RGS12: variants seen among roughly 807,000 people sequenced by gnomAD.
RGS12 encodes the protein regulator of G protein signaling 12, also known as regulator of G-protein signaling 12.
RGS12 carries 66 observed loss-of-function variants against 120.1 expected under a neutral mutation model. That is an observed-to-expected ratio of 0.55 (90% CI 0.45 to 0.67). The LOEUF (loss-of-function observed/expected upper bound fraction) is 0.67, where lower values mean the gene tolerates loss of function less well. Ranked by LOEUF, RGS12 falls within the 30% of genes least tolerant of loss-of-function variation. RGS12 has a pLI of 0.00. For missense variants in RGS12, 1,859 were observed against 1,957.7 expected (o/e 0.95, Z 0.95); for synonymous variants, 827 against 804.7 (o/e 1.03, Z -0.47).
rs898896096 is a variant in RGS12, at chr4:3,439,763, G to A, written c.*79G>A. 20 of 1,298,534 alleles carry A rather than the reference G, an allele frequency of 1.5e-5. No individual in the cohort carries two copies. The highest frequency in any genetic ancestry group is 1.9e-5 in the Non-Finnish European group (18 of 969,866). The allele number at this position is 1,298,534 out of a possible 1,614,324, so 80.4% of individuals were successfully genotyped here. On this transcript the variant is annotated 3_prime_UTR_variant, in exon 18 of 18. Coordinates refer to ENST00000336727, the MANE Select transcript of RGS12 (RefSeq NM_001394154.1). ...GGTGGATTCTGTGGGCCTCAGGGGGGCCACCCTGGCCACCACACCCTCAGG... is the reference window on the plus strand; with the variant it reads ...GGTGGATTCTGTGGGCCTCAGGGGGACCACCCTGGCCACCACACCCTCAGG...
At chr4:3,334,195 T>C (rs1455661615) in intron 2 of RGS12, among the ~76,000 whole-genome samples, 1 of 152,210 alleles carries the variant, frequency 6.6e-6, no homozygotes, top group East Asian at 1.9e-4. Flanking sequence ...GCTACCCTAT[T>C]AAGGTTAAGA....
intron 11 of RGS12, 151 bp downstream of exon 11, chr4:3,422,721 T>C (rs1029691599): frequency 2.9e-5 from 31 of 1,079,060 alleles, no homozygotes; most frequent in Admixed American, 1.4e-4. Flanking sequence ...TGAACTGAGC[T>C]ATCTGCTGGG....
intron 1 of RGS12, among the ~76,000 whole-genome samples, chr4:3,309,888 C>T (rs1191541798): frequency 2.2e-4 from 27 of 123,170 alleles, no homozygotes; most frequent in East Asian, 7.3e-4. Context: ...GGCAGGTGTC[C>T]GCTGAGGGGA....
chr4:3,413,994 C>T, intron 4 of RGS12, 78 bp from the exon 5 acceptor site: 1 of 1,423,526 alleles, frequency 7.0e-7, no homozygotes, highest in African/African-American at 1.4e-5. Context: ...GTCCCAGGGT[C>T]TCCTGTGGGC....
intron 17 of RGS12, among the ~76,000 whole-genome samples, chr4:3,432,502 G>T (rs573482703): frequency 6.6e-6 from 1 of 152,244 alleles, no homozygotes. Context: ...CTGGCTCTGC[G>T]CACAGGTGTG....
chr4:3,414,294 T>A, intron 5 of RGS12, 53 bp downstream of exon 5: 1 of 1,474,182 alleles, frequency 6.8e-7, no homozygotes, highest in Non-Finnish European at 9.0e-7. Flanking sequence ...CTGCAGAGAC[T>A]ACCGAGCAGG....
chr4:3,333,898 G>A (rs1394006711), intron 2 of RGS12, among the ~76,000 whole-genome samples: 1 of 152,172 alleles, frequency 6.6e-6, no homozygotes, highest in Non-Finnish European at 1.5e-5. Context: ...AGGAGATCAA[G>A]CCTTCCTATC....
In RGS12 at chr4:3,428,396, T is replaced by G. The variant is rs1723903851; in HGVS notation, c.3412-162T>G. ...GGGAGTGGTTGTGCCTTAAATGCTA[T>G]TCTTGTTTGTAATCCTTATCATTGC... On this transcript the variant is annotated intron_variant, in intron 15 of 17. Transcript: ENST00000336727. The G allele has an allele frequency of 1.2e-5, 9 of 773,528 alleles. No individual in the cohort carries two copies. The South Asian group carries it at 1.6e-4, about 14-fold the overall frequency. 47.9% of individuals were successfully genotyped at this position (773,528 alleles called of 1,614,324 possible).
At chr4:3,430,338 T>C (rs2109229401) in intron 16 of RGS12, 69 bp from the exon 17 acceptor site, 1 of 1,393,324 alleles carries the variant, frequency 7.2e-7, no homozygotes, top group South Asian at 1.3e-5. Flanking sequence ...CTTTCTAGAA[T>C]GTTCTGCGGT....
chr4:3,423,684 G>C (rs1723286409), intron 13 of RGS12, 43 bp downstream of exon 13: 3 of 1,580,624 alleles, frequency 1.9e-6, no homozygotes, highest in Admixed American at 1.7e-5. Flanking sequence ...CGCAGGCACT[G>C]TCTGTTCCCT....
At chr4:3,399,783 A>G (rs1401081311) in intron 4 of RGS12, among the ~76,000 whole-genome samples, 1 of 152,220 alleles carries the variant, frequency 6.6e-6, no homozygotes, top group African/African-American at 2.4e-5. Flanking sequence ...AACAAATAAC[A>G]CCAAAAATCC....
chr4:3,409,314 C>T (rs1721486136), intron 4 of RGS12, among the ~76,000 whole-genome samples: 1 of 152,246 alleles, frequency 6.6e-6, no homozygotes, highest in South Asian at 2.1e-4. Context: ...CCGAGCACAC[C>T]AGACAGGTCA....
Position 3,423,581 on chromosome 4 carries a change from G to A in RGS12, c.3174G>A (p.Glu1058=), listed in dbSNP as rs1374029588. 2 of 1,612,662 alleles carry A rather than the reference G, an allele frequency of 1.2e-6. No homozygotes were observed. The highest frequency in any genetic ancestry group is 1.3e-5 in the African/African-American group (1 of 74,954). ...LKAKPTKPVT[E]VLRPVVARYG... ...CCAAGCCCACCAAGCCCGTCACGGA[G>A]GTGCTGCGGCCCGTGGTGGCCAGAT... The change falls in exon 13 of 18, where the codon GAG becomes GAA. Residue 1058 remains glutamate (E), a synonymous_variant. Transcript: ENST00000336727.
intron 1 of RGS12, among the ~76,000 whole-genome samples, chr4:3,313,545 G>A (rs1724543333): frequency 6.6e-6 from 1 of 152,156 alleles, no homozygotes; most frequent in South Asian, 2.1e-4. Context: ...CAAACTGGGG[G>A]GCTTAAGACA....
chr4:3,357,605 A>G (rs1407229908), intron 3 of RGS12, among the ~76,000 whole-genome samples: 1 of 152,156 alleles, frequency 6.6e-6, no homozygotes, highest in East Asian at 1.9e-4. Flanking sequence ...TCCCGGCACC[A>G]TTTATTGAAG....
the RGS12 span, among the ~76,000 whole-genome samples, chr4:3,287,571 G>A: frequency 6.6e-6 from 1 of 152,214 alleles, no homozygotes; most frequent in Admixed American, 6.5e-5. Context: ...CCTGGCCCTG[G>A]CGGCCCGAGG....
rs1285888985 is a variant in RGS12, at chr4:3,368,687, GTGGGGGTGCCTGTGTGTGT to G, written c.1999-17703_1999-17685del. Among the ~76,000 whole-genome samples, 315 of 85,942 alleles carry G rather than the reference GTGGGGGTGCCTGTGTGTGT, an allele frequency of 3.7e-3. 1 individual carries two copies. The highest frequency in any genetic ancestry group is 8.2e-3 in the Middle Eastern group (1 of 122). The allele number at this position is 85,942 out of a possible 152,430, so 56.4% of individuals were successfully genotyped here. A position where few individuals can be genotyped will look rare whatever the true frequency, so the allele number is the denominator to read the frequency against. ...GTGTGTAGGGGGGGTGCCTGTGTGTGTGGGGGTGCCTGTGTGTGTTGGGGGTGCCTGTGTGTGTTGGGGG... is the reference window on the plus strand; with the variant it reads ...GTGTGTAGGGGGGGTGCCTGTGTGTGTGGGGGTGCCTGTGTGTGTTGGGGG... On this transcript the variant is annotated intron_variant, in intron 3 of 17. Transcript: ENST00000336727.
In RGS12 at chr4:3,416,221, C is replaced by T. The variant is rs1247127127; in HGVS notation, c.2427+100C>T. The T allele has an allele frequency of 1.4e-5, 19 of 1,367,410 alleles. No individual in the cohort carries two copies. In the East Asian group the frequency reaches 2.4e-4, roughly 17 times the overall value. The allele number at this position is 1,367,410 out of a possible 1,614,324, so 84.7% of individuals were successfully genotyped here. ...CGTGCTATCAGGCAGGCCAGTGGAT[C>T]GAGAGCATCACAGACGCAGGTAGAG... On this transcript the variant is annotated intron_variant, in intron 7 of 17. Coordinates refer to ENST00000336727, the MANE Select transcript of RGS12 (RefSeq NM_001394154.1).
rs1716164920 is a variant in RGS12, at chr4:3,365,120, CTGGAGCCTGGGA to C, written c.1999-21295_1999-21284del. Reference sequence around the variant, plus strand: ...GAGCTGTTGGAGCCAGGAGCCTGGGCTGGAGCCTGGGAGAGACCTGGACTCAGGGACTGGGCA... The same window carrying C: ...GAGCTGTTGGAGCCAGGAGCCTGGGCGAGACCTGGACTCAGGGACTGGGCA... On this transcript the variant is annotated intron_variant, in intron 3 of 17. Coordinates refer to ENST00000336727, the MANE Select transcript of RGS12 (RefSeq NM_001394154.1). This position sits in a 1 kb window ranked among gnomAD's most constrained non-coding sequence, Gnocchi z 4.0. Among the ~76,000 whole-genome samples the C allele has an allele frequency of 6.6e-6, 1 of 152,006 alleles. No individual in the cohort carries two copies. Among genetic ancestry groups the C allele is most frequent in the African/African-American group, 2.4e-5 (1 of 41,374 alleles).
Sources: allele counts gnomAD v4.1 joint callset (sites outside exome capture counted in the v4.1 genomes callset), GRCh38; gene constraint gnomAD v4.1.1; non-coding constraint Gnocchi (gnomAD v3.1); transcripts MANE v1.5; gene names NCBI Gene and HGNC (gene_info 2026-07-23, HGNC 2026-07-21).